CNOT1: variants seen among roughly 807,000 people sequenced by gnomAD.
CNOT1 encodes CCR4-associated factor 1.
In CNOT1, 15 loss-of-function variants were observed where a neutral mutation model predicts 273.8. That is an observed-to-expected ratio of 0.05 (90% confidence interval 0.04 to 0.08). The LOEUF (loss-of-function observed/expected upper bound fraction) is 0.08, where lower values mean the gene tolerates loss of function less well. Among genes scored for constraint, CNOT1 ranks in the 10% least tolerant of loss-of-function variants. The probability of loss-of-function intolerance (pLI) is 1.00; values close to 1 mark genes in which losing one functional copy is unlikely to be tolerated. For synonymous variants in CNOT1, 1,022 were observed against 1,005.5 expected, an observed-to-expected ratio of 1.02 and a Z score of -0.31; for missense variants, 1,644 against 2,912.2, an observed-to-expected ratio of 0.56 and a Z score of 10.02.
At chr16:58,591,513 T>C (rs1205679005) in intron 2 of CNOT1, among the ~76,000 whole-genome samples, 1 of 152,096 alleles carries the variant, frequency 6.6e-6, no homozygotes, top group Non-Finnish European at 1.5e-5. Flanking sequence ...CAGCAGTTTG[T>C]GGGGCTGAAC....
chr16:58,581,447 A>G lies in CNOT1; in HGVS notation c.1113T>C (p.Ser371=). The change falls in exon 11 of 49, where the codon AGT becomes AGC. Residue 371 remains serine (S), a synonymous_variant. Coordinates refer to ENST00000317147, the MANE Select transcript of CNOT1 (RefSeq NM_016284.5). The stretch of plus-strand genomic sequence containing the variant: ...CATAAACCACATTATGAAGTCCTTT[A>G]CTGTCACGAATTTGAAATCCAGGAT... The part of the protein sequence containing the change: ...LDHPGFQIRD[S]KGLHNVVYGI... 1 of 1,614,066 alleles carries G rather than the reference A, an allele frequency of 6.2e-7. No homozygotes were observed. The highest frequency in any genetic ancestry group is 2.2e-5 in the East Asian group (1 of 44,844).
chr16:58,591,211 T>C (rs957543318), intron 2 of CNOT1, among the ~76,000 whole-genome samples: 1 of 152,168 alleles, frequency 6.6e-6, no homozygotes, highest in Non-Finnish European at 1.5e-5. Flanking sequence ...GGCCAGATCA[T>C]GGTTAATGAA....
intron 19 of CNOT1, among the ~76,000 whole-genome samples, chr16:58,556,633 T>G (rs2040641858): frequency 6.6e-6 from 1 of 152,236 alleles, no homozygotes. Flanking sequence ...TTCTTACTTT[T>G]AGGATAAACA....
chr16:58,561,177 G>C (rs1326361320), intron 16 of CNOT1, among the ~76,000 whole-genome samples: 1 of 152,122 alleles, frequency 6.6e-6, no homozygotes, highest in Non-Finnish European at 1.5e-5. Context: ...AGATGAGAAG[G>C]GAAAGCGGAA....
intron 13 of CNOT1, among the ~76,000 whole-genome samples, chr16:58,578,371 T>C (rs1275328489): frequency 6.6e-6 from 1 of 151,066 alleles, no homozygotes; most frequent in Non-Finnish European, 1.5e-5. Flanking sequence ...GGAGAATCAC[T>C]TGAACCCAGG....
chr16:58,562,903 G>T (rs1356173433), intron 16 of CNOT1, among the ~76,000 whole-genome samples: 14 of 152,078 alleles, frequency 9.2e-5, no homozygotes, highest in Non-Finnish European at 1.5e-5. Context: ...TGTTACTACT[G>T]GCATTAAGAA....
Position 58,598,155 on chromosome 16 carries a change from T to A in CNOT1, c.102+1081A>T, listed in dbSNP as rs564700934. ...GGCTCACACCTGTAATCCTAGCACT[T>A]TGGGAGGCCGAGGCAGGCAGATCAC... On this transcript the variant is annotated intron_variant, in intron 2 of 48. Coordinates refer to ENST00000317147, the MANE Select transcript of CNOT1 (RefSeq NM_016284.5). Among the ~76,000 whole-genome samples the A allele has an allele frequency of 1.4e-3, 219 of 151,576 alleles. 1 individual carries two copies. The highest frequency in any genetic ancestry group is 2.7e-3 in the Non-Finnish European group (185 of 67,914).
chr16:58,602,584 CATAA>C (rs1436702621), intron 1 of CNOT1, among the ~76,000 whole-genome samples: 2 of 129,138 alleles, frequency 1.5e-5, no homozygotes, highest in Non-Finnish European at 3.2e-5. Context: ...AAAACCCATC[CATAA>C]ATTAGCCAGG....
intron 1 of CNOT1, among the ~76,000 whole-genome samples, chr16:58,602,195 G>C (rs963502793): frequency 6.6e-6 from 1 of 151,560 alleles, no homozygotes; most frequent in Non-Finnish European, 1.5e-5. Context: ...CAGCCTCCCA[G>C]GTAGCTGGGA....
At position 58,534,405 on chromosome 16, in the gene CNOT1, G is replaced by C. The variant is rs756833603; in HGVS notation, c.5647-10C>G. On this transcript the variant is annotated splice_polypyrimidine_tract_variant and intron_variant, in intron 39 of 48. Transcript: ENST00000317147. ...TTCCTTGCTGGTGCATCTACAACAG[G>C]AACAAAAAATAAAGACACAATGAGG... 1 of 1,607,068 alleles carries C rather than the reference G, an allele frequency of 6.2e-7. No individual in the cohort carries two copies. Among genetic ancestry groups the C allele is most frequent in the South Asian group, 1.1e-5 (1 of 90,334 alleles).
chr16:58,587,558 A>G, intron 4 of CNOT1, 145 bp from the exon 5 acceptor site: 1 of 1,263,812 alleles, frequency 7.9e-7, no homozygotes, highest in Non-Finnish European at 1.1e-6. Context: ...ATGTCCTAAA[A>G]CTGTGAAATG....
At chr16:58,602,301 C>T (rs1158767892) in intron 1 of CNOT1, among the ~76,000 whole-genome samples, 1 of 151,968 alleles carries the variant, frequency 6.6e-6, no homozygotes, top group African/African-American at 2.4e-5. Context: ...GAACTCCCGA[C>T]CTCAGGTGAT....
At chr16:58,545,616 ATGT>A in intron 29 of CNOT1, 125 bp from the exon 30 acceptor site, 1 of 1,406,580 alleles carries the variant, frequency 7.1e-7, no homozygotes, top group Non-Finnish European at 9.5e-7. Flanking sequence ...GGAGGGAAGG[ATGT>A]AGCAGGTCCT....
rs550860815 is a variant in CNOT1 at position 58,585,011 on chromosome 16, T to C, written c.806+327A>G. ...AGAGGAGAAAATTAGTCACATTAAG[T>C]GTAAAGCGATACAAGTTCCATAAAC... On this transcript the variant is annotated intron_variant, in intron 8 of 48. Coordinates refer to ENST00000317147, the MANE Select transcript of CNOT1 (RefSeq NM_016284.5). Among the ~76,000 whole-genome samples the C allele has an allele frequency of 6.6e-5, 10 of 152,200 alleles. No homozygotes were observed. In the South Asian group the frequency reaches 2.1e-3, roughly 32 times the overall value.
At chr16:58,573,960 C>T (rs879435364) in intron 16 of CNOT1, among the ~76,000 whole-genome samples, 1 of 151,906 alleles carries the variant, frequency 6.6e-6, no homozygotes, top group Non-Finnish European at 1.5e-5. Context: ...AATTAAGAAA[C>T]CAAAAATAGC....
chr16:58,597,653 G>A (rs1021730025), intron 2 of CNOT1: 6 of 470,340 alleles, frequency 1.3e-5, no homozygotes, highest in Admixed American at 2.4e-5. Flanking sequence ...TGCCAAAGAG[G>A]AAAGTCTGCA....
chr16:58,608,532 T>C (rs2042768521), intron 1 of CNOT1, among the ~76,000 whole-genome samples: 1 of 139,470 alleles, frequency 7.2e-6, no homozygotes, highest in South Asian at 2.2e-4. Context: ...CCAGCCTGGG[T>C]GACGTAGTGA....
intron 40 of CNOT1, among the ~76,000 whole-genome samples, chr16:58,533,681 C>T (rs751354347): frequency 2.0e-5 from 3 of 151,746 alleles, no homozygotes; most frequent in Non-Finnish European, 2.9e-5. Flanking sequence ...AAAAATTAGC[C>T]GGGCATGTTG....
In CNOT1 at chr16:58,523,999, G is replaced by A. The variant is rs148121941; in HGVS notation, c.6785-497C>T. Reference sequence around the variant, plus strand: ...ACGGTGGCTCACGCCTGTAATCCCAGCACTTTGGGAGGCTGAGGCAAGTGG... The same window carrying A: ...ACGGTGGCTCACGCCTGTAATCCCAACACTTTGGGAGGCTGAGGCAAGTGG... On this transcript the variant is annotated intron_variant, in intron 46 of 48. Transcript: ENST00000317147. Among the ~76,000 whole-genome samples, 779 of 152,290 alleles carry A rather than the reference G, an allele frequency of 5.1e-3. 8 individuals are homozygous for A. Among genetic ancestry groups the A allele is most frequent in the African/African-American group, 0.018 (743 of 41,572 alleles).
Sources: gnomAD v4.1 joint callset for allele counts (sites outside exome capture counted in the v4.1 genomes callset) on GRCh38, gnomAD v4.1.1 for gene constraint, MANE v1.5 for transcripts, NCBI Gene and HGNC (gene_info 2026-07-23, HGNC 2026-07-21) for gene names.